Variants in MRTFA observed in about 807,000 individuals in gnomAD.
The protein encoded by MRTFA is myocardin-related transcription factor A.
A neutral mutation model predicts 83.5 loss-of-function variants in MRTFA; 20 were observed. The ratio of observed to expected loss-of-function variants is 0.24; its 90% confidence interval spans 0.17 to 0.35. The LOEUF is 0.35. Ranked by LOEUF, MRTFA falls within the 10% of genes least tolerant of loss-of-function variation. The probability of loss-of-function intolerance (pLI) is 1.00; values close to 1 mark genes in which losing one functional copy is unlikely to be tolerated. For missense variants in MRTFA, 1,200 were observed against 1,224.7 expected (o/e 0.98, Z 0.30); for synonymous variants, 659 against 541.2 (o/e 1.22, Z -3.02).
intron 4 of MRTFA, among the ~76,000 whole-genome samples, chr22:40,455,529 C>T (rs867334132): frequency 4.9e-4 from 75 of 151,996 alleles, no homozygotes; most frequent in African/African-American, 1.8e-3. Flanking sequence ...GCCCGTAGTC[C>T]CAGCTACTCA....
intron 2 of MRTFA, chr22:40,587,677 C>T: frequency 6.2e-6 from 2 of 322,090 alleles, no homozygotes; most frequent in Admixed American, 3.7e-5. Flanking sequence ...GCCAACAGTG[C>T]CAGGTTTTGG....
intron 4 of MRTFA, among the ~76,000 whole-genome samples, chr22:40,458,567 G>A (rs887416507): frequency 1.3e-5 from 2 of 152,118 alleles, no homozygotes; most frequent in Non-Finnish European, 2.9e-5. Flanking sequence ...AGTCCTACGT[G>A]GTAACTATGT....
chr22:40,464,463 C>T (rs192032925), intron 3 of MRTFA, among the ~76,000 whole-genome samples: 4 of 150,746 alleles, frequency 2.7e-5, no homozygotes, highest in Admixed American at 2.6e-4. Context: ...GAGCTGAGAT[C>T]ATGCCACTGC....
At chr22:40,463,757 T>C (rs564546192) in intron 3 of MRTFA, among the ~76,000 whole-genome samples, 43 of 152,326 alleles carry the variant, frequency 2.8e-4, no homozygotes, top group South Asian at 1.5e-3. Context: ...TCTTTTTCTT[T>C]TGTATCTAAA....
chr22:40,433,015 G>A (rs2053100444), intron 5 of MRTFA: 1 of 152,184 alleles, frequency 6.6e-6, no homozygotes, highest in Non-Finnish European at 1.5e-5. Flanking sequence ...TTTGTTAAAG[G>A]CATGGAGGTG....
chr22:40,547,883 G>T (rs1000973457), intron 3 of MRTFA, among the ~76,000 whole-genome samples: 1 of 149,940 alleles, frequency 6.7e-6, no homozygotes, highest in African/African-American at 2.4e-5. Flanking sequence ...AAAAAGAAAT[G>T]ATGTCAGAGA....
chr22:40,625,290 G>A (rs775949862), intron 1 of MRTFA, among the ~76,000 whole-genome samples: 6 of 151,638 alleles, frequency 4.0e-5, no homozygotes, highest in Non-Finnish European at 8.8e-5. Flanking sequence ...GATCAGCCTA[G>A]GCAACAGAGT....
chr22:40,418,428 G>T lies in MRTFA; in HGVS notation c.2310C>A (p.Thr770=), dbSNP rs779998479. ...GGCTGTCTGCATTCTTATTGGTCAC[G>T]GTGAGGACAAGGTGGGTCCCTGTGG... The change falls in exon 12 of 15, where the codon ACC becomes ACA. Residue 770 remains threonine, a synonymous_variant. Coordinates refer to ENST00000355630, the MANE Select transcript of MRTFA (RefSeq NM_020831.6). 2 of 1,614,054 alleles carry T rather than the reference G, an allele frequency of 1.2e-6. No homozygotes were observed. Among genetic ancestry groups the T allele is most frequent in the Non-Finnish European group, 1.7e-6 (2 of 1,179,948 alleles).
intron 3 of MRTFA, among the ~76,000 whole-genome samples, chr22:40,516,180 AG>A (rs1262650409): frequency 5.3e-5 from 8 of 152,168 alleles, no homozygotes; most frequent in African/African-American, 1.9e-4. Context: ...CACTTTTGGG[AG>A]GTCAAGGTGG....
chr22:40,503,838 C>G (rs1421630221), intron 3 of MRTFA, among the ~76,000 whole-genome samples: 1 of 152,098 alleles, frequency 6.6e-6, no homozygotes, highest in Non-Finnish European at 1.5e-5. Context: ...AGGAGAATCC[C>G]TTGAACCCAG....
intron 3 of MRTFA, among the ~76,000 whole-genome samples, chr22:40,508,482 G>A (rs6001949): frequency 0.12 from 16,912 of 141,676 alleles, 1,130 homozygotes; most frequent in East Asian, 0.24. Context: ...AGTGCACTCC[G>A]GCCTGGGCAA....
At chr22:40,624,281 C>G (rs1474212725) in intron 1 of MRTFA, among the ~76,000 whole-genome samples, 3 of 151,800 alleles carry the variant, frequency 2.0e-5, no homozygotes, top group Non-Finnish European at 4.4e-5. Flanking sequence ...TAAAAATTAG[C>G]CGTGCATGGT....
chr22:40,542,548 T>A (rs879633774), intron 3 of MRTFA, among the ~76,000 whole-genome samples: 4 of 152,250 alleles, frequency 2.6e-5, no homozygotes, highest in Non-Finnish European at 5.9e-5. Context: ...AAGATCTTAA[T>A]AATCACAGAA....
At chr22:40,461,058 G>A (rs1283987406) in intron 4 of MRTFA, among the ~76,000 whole-genome samples, 1 of 151,652 alleles carries the variant, frequency 6.6e-6, no homozygotes, top group Non-Finnish European at 1.5e-5. Flanking sequence ...TAATTAGCCA[G>A]GCATGATGGC....
At chr22:40,479,328 T>C (rs1052579656) in intron 3 of MRTFA, among the ~76,000 whole-genome samples, 2 of 152,026 alleles carry the variant, frequency 1.3e-5, no homozygotes, top group African/African-American at 4.8e-5. Context: ...TATGTAAACA[T>C]CACACCTGAT....
chr22:40,599,914 AAAG>A (rs1368160774), intron 1 of MRTFA, among the ~76,000 whole-genome samples: 4 of 151,872 alleles, frequency 2.6e-5, no homozygotes, highest in Non-Finnish European at 5.9e-5. Flanking sequence ...AAAAAAAAAA[AAAG>A]AAGTGAAGGG....
At chr22:40,441,431 T>C (rs979510693) in intron 4 of MRTFA, among the ~76,000 whole-genome samples, 2 of 152,298 alleles carry the variant, frequency 1.3e-5, no homozygotes, top group African/African-American at 2.4e-5. Flanking sequence ...TTAAATGAGG[T>C]CATTTGTCAA....
chr22:40,461,204 CAA>C (rs55733153), intron 4 of MRTFA, among the ~76,000 whole-genome samples: 658 of 50,246 alleles, frequency 0.013, 2 homozygotes, highest in African/African-American at 0.043. Flanking sequence ...GAACTTGTCT[CAA>C]AAAAAAAAAA....
At chr22:40,545,750 T>A (rs180721403) in intron 3 of MRTFA, among the ~76,000 whole-genome samples, 5 of 148,970 alleles carry the variant, frequency 3.4e-5, no homozygotes, top group African/African-American at 1.2e-4. Flanking sequence ...TCTTTTTTTT[T>A]GACATGGAGT....
Sources: gnomAD v4.1 joint callset for allele counts (sites outside exome capture counted in the v4.1 genomes callset) on GRCh38, gnomAD v4.1.1 for gene constraint, MANE v1.5 for transcripts, NCBI Gene and HGNC (gene_info 2026-07-23, HGNC 2026-07-21) for gene names.